Variants in EDIL3 observed in about 807,000 individuals in gnomAD.
EDIL3 encodes the protein EGF like and discoidin domains 3.
In EDIL3, 37 loss-of-function variants were observed where a neutral mutation model predicts 67.4. The ratio of observed to expected loss-of-function variants is 0.55; its 90% CI spans 0.42 to 0.72. EDIL3 has a LOEUF of 0.72. EDIL3 is among the 30% of genes least tolerant of loss of function. EDIL3 has a pLI of 0.00. For missense variants in EDIL3, 527 were observed against 586.3 expected (o/e 0.90, Z 1.04); for synonymous variants, 195 against 196.3 (o/e 0.99, Z 0.05).
chr5:83,945,204 T>C (rs909112607), intron 10 of EDIL3, among the ~76,000 whole-genome samples: 7 of 152,020 alleles, frequency 4.6e-5, no homozygotes, highest in African/African-American at 1.4e-4. Flanking sequence ...TAATTCATTC[T>C]GGACTGAAAT....
intron 3 of EDIL3, among the ~76,000 whole-genome samples, chr5:84,206,591 C>CA (rs1336112187): frequency 6.6e-6 from 1 of 151,926 alleles, no homozygotes; most frequent in Non-Finnish European, 1.5e-5. Context: ...GAGACACAAA[C>CA]AAAAAAGAGA....
intron 9 of EDIL3, among the ~76,000 whole-genome samples, chr5:84,037,831 G>A (rs964714853): frequency 1.1e-4 from 17 of 151,946 alleles, no homozygotes; most frequent in African/African-American, 4.1e-4. Flanking sequence ...CTAAAACAAA[G>A]TCTTTCACCA....
At chr5:84,197,606 C>T (rs1743739221) in intron 3 of EDIL3, among the ~76,000 whole-genome samples, 1 of 151,342 alleles carries the variant, frequency 6.6e-6, no homozygotes, top group African/African-American at 2.4e-5. Context: ...TTACAGTGAG[C>T]TGAGATCATG....
intron 3 of EDIL3, among the ~76,000 whole-genome samples, chr5:84,200,007 T>C (rs1048184521): frequency 1.3e-5 from 2 of 152,070 alleles, no homozygotes; most frequent in African/African-American, 4.8e-5. Flanking sequence ...TTTCTAATAA[T>C]GTATTGGTAC....
At chr5:84,180,308 T>C (rs1384458504) in intron 4 of EDIL3, 85 bp downstream of exon 4, 5 of 1,424,108 alleles carry the variant, frequency 3.5e-6, no homozygotes, top group Admixed American at 5.1e-5. Context: ...TCAGATTCTA[T>C]GATTCTACTA....
At chr5:84,231,017 A>G (rs750804714) in intron 2 of EDIL3, among the ~76,000 whole-genome samples, 1 of 152,204 alleles carries the variant, frequency 6.6e-6, no homozygotes, top group Non-Finnish European at 1.5e-5. Context: ...CTGTAAGTAT[A>G]TTAGAATTCC....
At chr5:84,177,794 C>T (rs990891972) in intron 4 of EDIL3, among the ~76,000 whole-genome samples, 3 of 151,754 alleles carry the variant, frequency 2.0e-5, no homozygotes, top group Non-Finnish European at 2.9e-5. Context: ...GTAATAATGC[C>T]GATGCTGGAA....
chr5:84,103,484 A>G (rs1747404743), intron 6 of EDIL3, among the ~76,000 whole-genome samples: 1 of 152,134 alleles, frequency 6.6e-6, no homozygotes. Context: ...ATAAAGGTCT[A>G]ATATTCAGCA....
chr5:84,292,893 C>T (rs1745950915), intron 1 of EDIL3, among the ~76,000 whole-genome samples: 1 of 152,168 alleles, frequency 6.6e-6, no homozygotes, highest in South Asian at 2.1e-4. Flanking sequence ...GCAGTCACAA[C>T]AGGTAATTTA....
intron 10 of EDIL3, among the ~76,000 whole-genome samples, chr5:83,955,196 A>C (rs1744493452): frequency 6.6e-6 from 1 of 151,912 alleles, no homozygotes; most frequent in South Asian, 2.1e-4. Context: ...CAGAATTTTA[A>C]GTGTACACGT....
At position 84,115,448 on chromosome 5, in the gene EDIL3, A is replaced by G. The variant is rs145211929; in HGVS notation, c.470-8618T>C. 4.4e-3 allele frequency among the ~76,000 whole-genome samples: 663 copies of G among 152,280 alleles called. 6 individuals carry two copies. The highest frequency in any genetic ancestry group is 0.015 in the African/African-American group (609 of 41,574). ...AAAAATTGTCTATTAATATTTCTCA[A>G]ATTGATTTGTGAGCATATTGATGCA... On this transcript the variant is annotated intron_variant, in intron 5 of 10. Coordinates refer to ENST00000296591, the MANE Select transcript of EDIL3 (RefSeq NM_005711.5).
chr5:84,173,489 G>A (rs549070368), intron 4 of EDIL3, among the ~76,000 whole-genome samples: 10 of 151,580 alleles, frequency 6.6e-5, no homozygotes, highest in South Asian at 2.1e-4. Context: ...CCCCTCTCCC[G>A]CCCCCTGGAA....
intron 5 of EDIL3, among the ~76,000 whole-genome samples, chr5:84,129,012 T>A (rs993353161): frequency 6.6e-6 from 1 of 152,124 alleles, no homozygotes; most frequent in African/African-American, 2.4e-5. Context: ...TCCCACATGG[T>A]CTATTTGAAC....
In EDIL3 at chr5:84,252,566, C is replaced by G. The variant is rs1046094859; in HGVS notation, c.196+1518G>C. On this transcript the variant is annotated intron_variant, in intron 2 of 10. Transcript: ENST00000296591. Reference sequence around the variant, plus strand: ...TAATCATTTACCTACATTTGTTTCTCTGATTCCAGATTTGGATCTTTCAAA... The same window carrying G: ...TAATCATTTACCTACATTTGTTTCTGTGATTCCAGATTTGGATCTTTCAAA... Among the ~76,000 whole-genome samples, 3 of 145,190 alleles carry G rather than the reference C, an allele frequency of 2.1e-5. No homozygotes were observed. The Admixed American group carries it at 2.1e-4, about 10-fold the overall frequency.
At chr5:84,211,021 T>G (rs1207265788) in intron 3 of EDIL3, among the ~76,000 whole-genome samples, 1 of 152,208 alleles carries the variant, frequency 6.6e-6, no homozygotes, top group African/African-American at 2.4e-5. Context: ...CAAAATATAT[T>G]CATGTCCAAA....
intron 4 of EDIL3, among the ~76,000 whole-genome samples, chr5:84,158,614 TA>T (rs1230502817): frequency 6.6e-6 from 1 of 152,058 alleles, no homozygotes; most frequent in Non-Finnish European, 1.5e-5. Context: ...TACCTTATTA[TA>T]AAGTAAGCTT....
intron 1 of EDIL3, among the ~76,000 whole-genome samples, chr5:84,350,299 T>C (rs1747328437): frequency 6.6e-6 from 1 of 152,206 alleles, no homozygotes; most frequent in Non-Finnish European, 1.5e-5. Context: ...TTTTATTTCT[T>C]GACATACTGA....
At chr5:84,085,485 C>G (rs1243570507) in intron 6 of EDIL3, among the ~76,000 whole-genome samples, 1 of 152,190 alleles carries the variant, frequency 6.6e-6, no homozygotes, top group African/African-American at 2.4e-5. Context: ...AGACCCTGTT[C>G]ACCTGGGTAT....
At chr5:84,074,027 C>A (rs893464405) in intron 6 of EDIL3, among the ~76,000 whole-genome samples, 2 of 151,858 alleles carry the variant, frequency 1.3e-5, no homozygotes, top group Non-Finnish European at 2.9e-5. Context: ...AGAACAGAGC[C>A]CTCAGAAATA....
Sources: gnomAD v4.1 joint callset for allele counts (sites outside exome capture counted in the v4.1 genomes callset) on GRCh38, gnomAD v4.1.1 for gene constraint, MANE v1.5 for transcripts, NCBI Gene and HGNC (gene_info 2026-07-23, HGNC 2026-07-21) for gene names.